The following PCDHGA3 variants were observed in gnomAD, a reference collection of about 807,000 sequenced individuals.
PCDHGA3 encodes the protein protocadherin gamma subfamily A, 3.
In PCDHGA3, 40 loss-of-function variants were observed where a neutral mutation model predicts 58.5. That is an observed-to-expected ratio of 0.68 (90% CI 0.53 to 0.89). PCDHGA3 has a LOEUF of 0.89. Ranked by LOEUF, PCDHGA3 falls within the 40% of genes least tolerant of loss-of-function variation. PCDHGA3 has a pLI of 0.00. For synonymous variants in PCDHGA3, 530 were observed against 525.7 expected, an observed-to-expected ratio of 1.01 and a Z score of -0.11; for missense variants, 1,223 against 1,195.9, an observed-to-expected ratio of 1.02 and a Z score of -0.33.
At chr5:141,409,097 G>C in intron 1 of PCDHGA3, 1 of 1,613,958 alleles carries the variant, frequency 6.2e-7, no homozygotes, top group Non-Finnish European at 8.5e-7. Context: ...TGAGAAAACA[G>C]GTATGATTAA....
Position 141,477,849 on chromosome 5 carries a change from A to G in PCDHGA3, c.2425-16958A>G. ...CCTCGGCCAGGTGGGAGCTCGGTGGAGATGCTGCCTCGAGGTACCTCAGCT... is the reference window on the plus strand; with the variant it reads ...CCTCGGCCAGGTGGGAGCTCGGTGGGGATGCTGCCTCGAGGTACCTCAGCT... On this transcript the variant is annotated intron_variant, in intron 1 of 3. Transcript: ENST00000253812. This position sits in a 1 kb window ranked among gnomAD's most constrained non-coding sequence, Gnocchi z 4.9. The G allele has an allele frequency of 6.8e-6, 11 of 1,612,812 alleles. No individual in the cohort carries two copies. Among genetic ancestry groups the G allele is most frequent in the Non-Finnish European group, 8.5e-6 (10 of 1,179,548 alleles).
At chr5:141,403,121 C>G in intron 1 of PCDHGA3, 1 of 1,614,046 alleles carries the variant, frequency 6.2e-7, no homozygotes, top group South Asian at 1.1e-5. Flanking sequence ...TCTGGAGCCC[C>G]GGGAGCTGGC....
chr5:141,499,572 T>C (rs2099792782), intron 2 of PCDHGA3, among the ~76,000 whole-genome samples: 1 of 152,178 alleles, frequency 6.6e-6, no homozygotes, highest in Admixed American at 6.5e-5. Flanking sequence ...CAGCTTCAAC[T>C]AATGCCTTAT....
intron 1 of PCDHGA3, chr5:141,420,342 T>C: frequency 7.2e-7 from 1 of 1,388,390 alleles, no homozygotes; most frequent in Non-Finnish European, 9.6e-7. Flanking sequence ...AATATAGTGG[T>C]ATTATTTTAA....
At chr5:141,467,460 T>G (rs1354012953) in intron 1 of PCDHGA3, among the ~76,000 whole-genome samples, 1 of 152,246 alleles carries the variant, frequency 6.6e-6, no homozygotes. Context: ...CCAGTGCTAG[T>G]ACTTGCATGG....
In PCDHGA3 at chr5:141,490,291, C is replaced by T; in HGVS notation, c.2425-4516C>T. 6.2e-7 allele frequency: 1 copy of T among 1,614,212 alleles called. No homozygotes were observed. Among genetic ancestry groups the T allele is most frequent in the Non-Finnish European group, 8.5e-7 (1 of 1,180,048 alleles). On this transcript the variant is annotated intron_variant, in intron 1 of 3. Transcript: ENST00000253812. The surrounding 1 kb of genome is among the most constrained non-coding windows in gnomAD (Gnocchi z 5.4). ...TGTCAATGACAATGCCCCAGAGGTG[C>T]TATTGGCCTCTTTGGCCAACCCTGT...
chr5:141,352,385 C>G, intron 1 of PCDHGA3: 1 of 1,614,052 alleles, frequency 6.2e-7, no homozygotes, highest in Non-Finnish European at 8.5e-7. Flanking sequence ...AGCGATCGCC[C>G]TGCGCCTGCG....
At position 141,374,676 on chromosome 5, in the gene PCDHGA3, G is replaced by T. The variant is rs372705367; in HGVS notation, c.2424+28219G>T. ...AAGTACCCGGAGCTGGTGCTGGAGG[G>T]CACACTGGACCGGGAAGGAGAAGCC... On this transcript the variant is annotated intron_variant, in intron 1 of 3. Coordinates refer to ENST00000253812, the MANE Select transcript of PCDHGA3 (RefSeq NM_018916.4). 8 of 1,610,386 alleles carry T rather than the reference G, an allele frequency of 5.0e-6. No individual in the cohort carries two copies. The African/African-American group carries it at 1.1e-4, about 22-fold the overall frequency.
intron 1 of PCDHGA3, chr5:141,360,248 C>T (rs765556005): frequency 6.2e-7 from 1 of 1,613,920 alleles, no homozygotes; most frequent in South Asian, 1.1e-5. Context: ...TATTCAATTC[C>T]AGAGGAGCTG....
chr5:141,346,335 C>A lies in PCDHGA3; in HGVS notation c.2302C>A (p.Leu768Met). ...SLTADSRKSH[L>M]IFPQPNYADT... ...CACTGCGGACTCGCGGAAGAGCCAC[C>A]TGATTTTCCCCCAGCCCAACTATGC... Residue 768 changes from leucine to methionine, a missense_variant, in exon 1 of 4, where the codon CTG (leucine) becomes ATG (methionine). By Grantham distance (15) the Leu-to-Met change is conservative (BLOSUM62 2). Around this residue, in one of 3 missense-constraint regions of PCDHGA3, gnomAD observed 325 missense variants for 327.5 expected, o/e 0.99. Transcript: ENST00000253812. 1.2e-6 allele frequency: 2 copies of A among 1,614,240 alleles called. No individual in the cohort carries two copies. The highest frequency in any genetic ancestry group is 1.7e-6 in the Non-Finnish European group (2 of 1,180,050).
intron 1 of PCDHGA3, chr5:141,373,875 AAATC>A (rs3840507): frequency 0.061 from 29,734 of 483,624 alleles, 1,189 homozygotes; most frequent in African/African-American, 0.14. Context: ...CTGGGCAAGA[AAATC>A]AACGGAAACT....
At chr5:141,376,183 C>G (rs1772387950) in intron 1 of PCDHGA3, 1 of 1,614,148 alleles carries the variant, frequency 6.2e-7, no homozygotes, top group Admixed American at 1.7e-5. Context: ...TGGCCGCGGT[C>G]TCCTGCGTCT....
chr5:141,438,591 CATATATATATAT>C lies in PCDHGA3; in HGVS notation c.2425-56182_2425-56171del, dbSNP rs946798767. ...TCTGATATACATACATACATACATACATATATATATATATATATATATATATATATATATATA... is the reference window on the plus strand; with the variant it reads ...TCTGATATACATACATACATACATACATATATATATATATATATATATATA... On this transcript the variant is annotated intron_variant, in intron 1 of 3. Coordinates refer to ENST00000253812, the MANE Select transcript of PCDHGA3 (RefSeq NM_018916.4). Among the ~76,000 whole-genome samples the C allele has an allele frequency of 1.5e-4, 11 of 75,568 alleles. No homozygotes were observed. The East Asian group carries it at 2.8e-3, about 19-fold the overall frequency. The allele number at this position is 75,568 out of a possible 152,430, so 49.6% of individuals were successfully genotyped here.
intron 1 of PCDHGA3, chr5:141,383,068 C>T (rs376511249): frequency 6.2e-7 from 1 of 1,613,846 alleles, no homozygotes; most frequent in African/African-American, 1.3e-5. Flanking sequence ...GCTGGAGCCC[C>T]GGGAGCTGGC....
At chr5:141,364,510 G>A (rs1763366973) in intron 1 of PCDHGA3, 5 of 1,614,022 alleles carry the variant, frequency 3.1e-6, no homozygotes, top group South Asian at 2.2e-5. Context: ...AGGAGCTGGC[G>A]GAGCGCGGAG....
At chr5:141,393,542 T>A in intron 1 of PCDHGA3, 3 of 1,613,964 alleles carry the variant, frequency 1.9e-6, no homozygotes, top group Non-Finnish European at 2.5e-6. Flanking sequence ...CGGTTTTTCC[T>A]CACCCGATTT....
rs1303712746 is a variant in PCDHGA3 at position 141,512,800 on chromosome 5, C to G, written c.*1627C>G. The G allele has an allele frequency of 1.3e-5, 2 of 152,238 alleles. No homozygotes were observed. Among genetic ancestry groups the G allele is most frequent in the African/African-American group, 4.8e-5 (2 of 41,434 alleles). The allele number at this position is 152,238 out of a possible 1,614,324, so 9.4% of individuals were successfully genotyped here. A position where few individuals can be genotyped will look rare whatever the true frequency, so the allele number is the denominator to read the frequency against. On this transcript the variant is annotated 3_prime_UTR_variant, in exon 4 of 4. Coordinates refer to ENST00000253812, the MANE Select transcript of PCDHGA3 (RefSeq NM_018916.4). Reference sequence around the variant, plus strand: ...GCCCGTGTTGTGTTTTGTGCTGTGTCCACGCGCTAAGGCGACCCCCTCCCC... The same window carrying G: ...GCCCGTGTTGTGTTTTGTGCTGTGTGCACGCGCTAAGGCGACCCCCTCCCC...
intron 1 of PCDHGA3, among the ~76,000 whole-genome samples, chr5:141,460,764 G>A (rs2098996981): frequency 6.6e-6 from 1 of 150,516 alleles, no homozygotes; most frequent in Admixed American, 6.7e-5. Flanking sequence ...TATACATATT[G>A]CATATGTATG....
chr5:141,414,412 G>A, intron 1 of PCDHGA3: 1 of 1,613,832 alleles, frequency 6.2e-7, no homozygotes, highest in South Asian at 1.1e-5. Flanking sequence ...GATACACAGA[G>A]CCCTTGACAG....
Sources: allele counts gnomAD v4.1 joint callset (sites outside exome capture counted in the v4.1 genomes callset), GRCh38; gene constraint gnomAD v4.1.1; regional missense constraint gnomAD v4.1.1; non-coding constraint Gnocchi (gnomAD v3.1); transcripts MANE v1.5; gene names NCBI Gene and HGNC (gene_info 2026-07-23, HGNC 2026-07-21).